RBFOX1: variants seen among roughly 807,000 people sequenced by gnomAD.
RBFOX1 encodes RNA binding fox-1 homolog 1.
Under a neutral mutation model 57.7 loss-of-function variants are expected in RBFOX1, and 8 were observed. The observed-to-expected ratio is 0.14, with a 90% CI of 0.08 to 0.25. RBFOX1 has a LOEUF of 0.25. Ranked by LOEUF, RBFOX1 falls within the 10% of genes least tolerant of loss-of-function variation. The probability of loss-of-function intolerance (pLI) is 1.00; values close to 1 mark genes in which losing one functional copy is unlikely to be tolerated. For synonymous variants in RBFOX1, 326 were observed against 222.4 expected (o/e 1.47, Z -4.15); for missense variants, 611 against 548.5 (o/e 1.11, Z -1.14).
At chr16:7,482,798 G>C (rs991215841) in intron 4 of RBFOX1, among the ~76,000 whole-genome samples, 2 of 152,000 alleles carry the variant, frequency 1.3e-5, no homozygotes, top group African/African-American at 4.8e-5. Flanking sequence ...CTATGTAAAT[G>C]AGTCCTCCCA....
intron 4 of RBFOX1, among the ~76,000 whole-genome samples, chr16:7,437,677 C>T (rs1474559583): frequency 6.6e-6 from 1 of 152,128 alleles, no homozygotes; most frequent in Non-Finnish European, 1.5e-5. Flanking sequence ...CCGGAGTAGG[C>T]AAAGCTGCCT....
rs1416905563 is a variant in RBFOX1 at position 5,815,181 on chromosome 16, A to G, written c.319-52122A>G. Among the ~76,000 whole-genome samples the G allele has an allele frequency of 4.0e-4, 44 of 111,066 alleles. No individual in the cohort carries two copies. In the South Asian group the frequency reaches 0.012, roughly 30 times the overall value. The allele number at this position is 111,066 out of a possible 152,430, so 72.9% of individuals were successfully genotyped here. A position where few individuals can be genotyped will look rare whatever the true frequency, so the allele number is the denominator to read the frequency against. ...ATTTTTTTTTTTTTTTTTTTTGTAGAGACAGTCTCACTATGTTGCCAAGGC... is the reference window on the plus strand; with the variant it reads ...ATTTTTTTTTTTTTTTTTTTTGTAGGGACAGTCTCACTATGTTGCCAAGGC... On this transcript the variant is annotated intron_variant, in intron 3 of 19. Coordinates refer to the RBFOX1 transcript ENST00000641259.
At chr16:6,523,440 A>G (rs955981596) in intron 2 of RBFOX1, among the ~76,000 whole-genome samples, 1 of 152,088 alleles carries the variant, frequency 6.6e-6, no homozygotes, top group African/African-American at 2.4e-5. Context: ...ATGGGTGCAC[A>G]TTTTGTCCAA....
At chr16:7,362,979 A>G (rs1021581244) in intron 4 of RBFOX1, among the ~76,000 whole-genome samples, 8 of 152,086 alleles carry the variant, frequency 5.3e-5, no homozygotes, top group Non-Finnish European at 7.4e-5. Flanking sequence ...TTGTTTCCTA[A>G]TTTTTGAAAA....
At chr16:5,974,924 C>G (rs753323676) in intron 4 of RBFOX1, among the ~76,000 whole-genome samples, 5 of 152,098 alleles carry the variant, frequency 3.3e-5, no homozygotes, top group Non-Finnish European at 7.3e-5. Flanking sequence ...AGGAGAATTG[C>G]TGGAACCTAG....
At chr16:5,578,625 C>G (rs1014935555) in intron 2 of RBFOX1, among the ~76,000 whole-genome samples, 7 of 152,180 alleles carry the variant, frequency 4.6e-5, no homozygotes, top group African/African-American at 1.2e-4. Flanking sequence ...CCTTGTTGTT[C>G]TATTAATTTA....
intron 4 of RBFOX1, among the ~76,000 whole-genome samples, chr16:7,055,866 T>G (rs1480563181): frequency 6.6e-6 from 1 of 152,142 alleles, no homozygotes; most frequent in Non-Finnish European, 1.5e-5. Context: ...TGTCATTAGT[T>G]TTCATTACTC....
chr16:5,441,396 G>A (rs974619209), intron 1 of RBFOX1, among the ~76,000 whole-genome samples: 4 of 137,688 alleles, frequency 2.9e-5, no homozygotes, highest in African/African-American at 5.5e-5. Context: ...ACAGAGTCTC[G>A]CAGTGTCACC....
At chr16:5,730,568 ATCG>A (rs1288451855) in intron 3 of RBFOX1, among the ~76,000 whole-genome samples, 1 of 152,134 alleles carries the variant, frequency 6.6e-6, no homozygotes, top group Non-Finnish European at 1.5e-5. Context: ...TGCCATCATC[ATCG>A]TCATCATTAC....
At chr16:5,272,553 A>C (rs1477154818) in intron 1 of RBFOX1, among the ~76,000 whole-genome samples, 6 of 152,178 alleles carry the variant, frequency 3.9e-5, no homozygotes, top group Non-Finnish European at 8.8e-5. Context: ...CGACAAGTTC[A>C]TGACTGCTGC....
intron 3 of RBFOX1, among the ~76,000 whole-genome samples, chr16:6,726,317 A>T (rs1325510914): frequency 6.6e-6 from 1 of 152,176 alleles, no homozygotes; most frequent in Non-Finnish European, 1.5e-5. Context: ...GTGTGCTTTC[A>T]AATTACTACC....
At chr16:6,496,208 T>C (rs922471691) in intron 2 of RBFOX1, among the ~76,000 whole-genome samples, 18 of 152,214 alleles carry the variant, frequency 1.2e-4, no homozygotes, top group Non-Finnish European at 2.2e-4. Context: ...ACTTTTTTTT[T>C]CTATTGTCCT....
intron 13 of RBFOX1, chr16:7,671,723 G>T (rs2071502580): frequency 1.0e-5 from 9 of 870,722 alleles, no homozygotes; most frequent in Non-Finnish European, 1.3e-5. Context: ...AGACTTAACT[G>T]AATTTTCCAG....
chr16:7,013,176 T>C (rs2093732987), intron 3 of RBFOX1, among the ~76,000 whole-genome samples: 1 of 152,232 alleles, frequency 6.6e-6, no homozygotes, highest in South Asian at 2.1e-4. Flanking sequence ...GCTCTGATAC[T>C]CATTGGCTTT....
At chr16:5,463,182 T>C (rs2068844693) in intron 1 of RBFOX1, among the ~76,000 whole-genome samples, 1 of 152,068 alleles carries the variant, frequency 6.6e-6, no homozygotes, top group African/African-American at 2.4e-5. Context: ...TAGTAGGGAG[T>C]TTTCTCTTCC....
intron 4 of RBFOX1, among the ~76,000 whole-genome samples, chr16:5,888,631 A>C (rs375300189): frequency 2.6e-5 from 4 of 152,190 alleles, no homozygotes; most frequent in African/African-American, 7.2e-5. Context: ...CCTCGTCTCT[A>C]CTAAAAATAC....
chr16:7,595,597 AG>A lies in RBFOX1; in HGVS notation c.520del (p.Glu174ArgfsTer8). On this transcript the variant is annotated frameshift_variant, in exon 8 of 16. Transcript: ENST00000550418. LOFTEE classifies it high-confidence loss of function. ...AAATAGTGCCGATGCGGACAGGGCG[AG>A]GGAGAAATTACACGGCACCGTGGTA... is the stretch of plus-strand genomic sequence containing the variant. ...FENSADADRA[R>X]EKLHGTVVEG... is the part of the protein sequence containing the mutation. 1 of 1,573,824 alleles carries A rather than the reference AG, an allele frequency of 6.4e-7. No individual in the cohort carries two copies. Among genetic ancestry groups the A allele is most frequent in the African/African-American group, 1.4e-5 (1 of 73,886 alleles).
chr16:6,803,530 C>T (rs1603626767), intron 3 of RBFOX1, among the ~76,000 whole-genome samples: 2 of 152,020 alleles, frequency 1.3e-5, no homozygotes, highest in Non-Finnish European at 2.9e-5. Flanking sequence ...TCCAGATTTC[C>T]TAAATGGAAA....
chr16:6,309,709 C>T (rs112768853), intron 1 of RBFOX1, among the ~76,000 whole-genome samples: 3 of 151,904 alleles, frequency 2.0e-5, no homozygotes, highest in Admixed American at 6.6e-5. Context: ...CCTAGAGCTT[C>T]GGGGAGAAGT....
Sources: allele counts gnomAD v4.1 joint callset (sites outside exome capture counted in the v4.1 genomes callset), GRCh38; gene constraint gnomAD v4.1.1; transcripts MANE v1.5; gene names NCBI Gene and HGNC (gene_info 2026-07-23, HGNC 2026-07-21).